The following MTUS1 variants were observed in gnomAD, a reference collection of about 807,000 sequenced individuals.
MTUS1 encodes microtubule associated scaffold protein 1.
MTUS1 carries 109 observed loss-of-function variants against 120.8 expected under a neutral mutation model. That is an observed-to-expected ratio of 0.90 (90% CI 0.77 to 1.06). The LOEUF (loss-of-function observed/expected upper bound fraction) is 1.06, where lower values mean the gene tolerates loss of function less well. Among genes scored for constraint, MTUS1 ranks in the 50% least tolerant of loss-of-function variants. The probability of loss-of-function intolerance (pLI) is 0.00; values close to 1 mark genes in which losing one functional copy is unlikely to be tolerated. For synonymous variants in MTUS1, 737 were observed against 550.5 expected (o/e 1.34, Z -4.74); for missense variants, 2,210 against 1,486.3 (o/e 1.49, Z -8.01).
At chr8:17,695,875 G>A (rs936166226) in intron 6 of MTUS1, among the ~76,000 whole-genome samples, 9 of 152,182 alleles carry the variant, frequency 5.9e-5, no homozygotes, top group African/African-American at 2.2e-4. Context: ...GCAAGCAGCT[G>A]AGAGCGGCTG....
chr8:17,666,042 T>G (rs1202174827), intron 8 of MTUS1, among the ~76,000 whole-genome samples: 2 of 151,104 alleles, frequency 1.3e-5, no homozygotes, highest in East Asian at 3.9e-4. Context: ...CAAAGGCCAT[T>G]TGCTGTTTTT....
intron 1 of MTUS1, among the ~76,000 whole-genome samples, chr8:17,775,062 C>A (rs966491631): frequency 6.8e-6 from 1 of 146,718 alleles, no homozygotes; most frequent in African/African-American, 2.5e-5. Flanking sequence ...TGAATAGAGA[C>A]AGAAAGTCAA....
intron 10 of MTUS1, chr8:17,654,224 T>TG: frequency 3.2e-6 from 1 of 310,204 alleles, no homozygotes; most frequent in Non-Finnish European, 6.0e-6. Context: ...CAGGAGCACT[T>TG]GGGGTGGATC....
intron 4 of MTUS1, among the ~76,000 whole-genome samples, chr8:17,720,045 G>T (rs543938049): frequency 6.6e-6 from 1 of 152,240 alleles, no homozygotes; most frequent in East Asian, 1.9e-4. Context: ...ACATGAGTTA[G>T]TAGGAAAACT....
chr8:17,759,692 T>G (rs1252727647), intron 1 of MTUS1, among the ~76,000 whole-genome samples: 1 of 149,880 alleles, frequency 6.7e-6, no homozygotes, highest in Non-Finnish European at 1.5e-5. Flanking sequence ...GTTTTGCTTT[T>G]AAGACTCATA....
chr8:17,684,373 G>C lies in MTUS1; in HGVS notation c.2793C>G (p.Thr931=). 6.2e-7 allele frequency: 1 copy of C among 1,614,056 alleles called. No homozygotes were observed. Among genetic ancestry groups the C allele is most frequent in the Non-Finnish European group, 8.5e-7 (1 of 1,179,974 alleles). The change falls in exon 7 of 15, where the codon ACC becomes ACG. Residue 931 remains threonine (T), a synonymous_variant. Coordinates refer to ENST00000693296, the MANE Select transcript of MTUS1 (RefSeq NM_001363059.2). ...TCACAACTGTCAATGCCTCAAACTT[G>C]GTATTACCACAGGCAAGAAGCTGCT... is the stretch of plus-strand genomic sequence containing the variant. ...QLKQLLACGN[T]KFEALTVVIQ...
intron 6 of MTUS1, among the ~76,000 whole-genome samples, chr8:17,706,640 G>C (rs1399867943): frequency 6.6e-6 from 1 of 152,152 alleles, no homozygotes; most frequent in Non-Finnish European, 1.5e-5. Context: ...TGAGTGAAGT[G>C]ACTGTAAATG....
At chr8:17,782,691 G>A (rs552378902) in intron 1 of MTUS1, among the ~76,000 whole-genome samples, 1 of 152,252 alleles carries the variant, frequency 6.6e-6, no homozygotes, top group South Asian at 2.1e-4. Flanking sequence ...CTTGGATTTT[G>A]TAAAGAATTG....
At chr8:17,713,806 G>A (rs993697643) in intron 5 of MTUS1, among the ~76,000 whole-genome samples, 1 of 152,072 alleles carries the variant, frequency 6.6e-6, no homozygotes, top group Non-Finnish European at 1.5e-5. Context: ...TTGTTTCTAG[G>A]ACATAATCAT....
intron 3 of MTUS1, among the ~76,000 whole-genome samples, chr8:17,726,836 G>C (rs534638647): frequency 6.6e-6 from 1 of 152,224 alleles, no homozygotes; most frequent in African/African-American, 2.4e-5. Flanking sequence ...AGCAAGGTTG[G>C]GCACGTAACA....
chr8:17,653,417 T>C lies in MTUS1; in HGVS notation c.3288+8A>G. 6.2e-7 allele frequency: 1 copy of C among 1,600,020 alleles called. No homozygotes were observed. Among genetic ancestry groups the C allele is most frequent in the Non-Finnish European group, 8.5e-7 (1 of 1,172,924 alleles). On this transcript the variant is annotated splice_region_variant and intron_variant, in intron 11 of 14. Coordinates refer to ENST00000693296, the MANE Select transcript of MTUS1 (RefSeq NM_001363059.2). ...GTGGGGGATACTGGGATATTGACAT[T>C]CACCCACCTCTAGCGATTCCTGCTT...
At chr8:17,694,673 A>C (rs892760154) in intron 6 of MTUS1, among the ~76,000 whole-genome samples, 2 of 149,850 alleles carry the variant, frequency 1.3e-5, no homozygotes, top group African/African-American at 5.1e-5. Context: ...ATCTAAAACA[A>C]AGCAACAAAA....
At chr8:17,742,483 C>T (rs760009575) in intron 3 of MTUS1, among the ~76,000 whole-genome samples, 1 of 151,864 alleles carries the variant, frequency 6.6e-6, no homozygotes, top group Non-Finnish European at 1.5e-5. Flanking sequence ...ATAAGAATCA[C>T]TCTTTCTCCC....
intron 6 of MTUS1, among the ~76,000 whole-genome samples, chr8:17,685,138 G>A (rs1339048887): frequency 1.3e-5 from 2 of 152,070 alleles, no homozygotes; most frequent in Non-Finnish European, 2.9e-5. Flanking sequence ...GTACTATACT[G>A]TTGACTATAC....
chr8:17,654,627 C>G lies in MTUS1; in HGVS notation c.3148G>C (p.Glu1050Gln). The G allele has an allele frequency of 6.2e-7, 1 of 1,614,180 alleles. No homozygotes were observed. Among genetic ancestry groups the G allele is most frequent in the Non-Finnish European group, 8.5e-7 (1 of 1,179,976 alleles). ...TTCTCTGAGTGGCTAGCTTCAATTT[C>G]CAACTTAGAGGTTTCATGCGCAGCA... Reference protein sequence around the residue: ...LNAAHETSKLEIEASHSEKLE... With the variant: ...LNAAHETSKLQIEASHSEKLE... The change falls in exon 10 of 15, where the codon GAA (glutamate) becomes CAA (glutamine). Residue 1050 changes from glutamate (E) to glutamine (Q), a missense_variant. Physicochemically the swap from Glu to Gln is conservative, Grantham distance 29. Transcript: ENST00000693296.
At chr8:17,765,416 G>A (rs1481423410) in intron 1 of MTUS1, among the ~76,000 whole-genome samples, 1 of 151,980 alleles carries the variant, frequency 6.6e-6, no homozygotes, top group Non-Finnish European at 1.5e-5. Flanking sequence ...ATAACCTGAG[G>A]TCAGGAGTTC....
At chr8:17,736,720 G>T (rs933624857) in intron 3 of MTUS1, among the ~76,000 whole-genome samples, 3 of 151,994 alleles carry the variant, frequency 2.0e-5, no homozygotes, top group African/African-American at 7.3e-5. Context: ...AAGTAGCTGA[G>T]ACCACAGGCA....
chr8:17,688,911 T>C (rs182770476), intron 6 of MTUS1, among the ~76,000 whole-genome samples: 1 of 152,244 alleles, frequency 6.6e-6, no homozygotes, highest in East Asian at 1.9e-4. Context: ...TGTTTAGACA[T>C]TTAGAATTAC....
chr8:17,685,904 T>C (rs931135731), intron 6 of MTUS1, among the ~76,000 whole-genome samples: 8 of 152,318 alleles, frequency 5.3e-5, no homozygotes, highest in South Asian at 4.1e-4. Context: ...GTCACTTGCA[T>C]AGATGTAGAA....
Sources: gnomAD v4.1 joint callset for allele counts (sites outside exome capture counted in the v4.1 genomes callset) on GRCh38, gnomAD v4.1.1 for gene constraint, MANE v1.5 for transcripts, NCBI Gene and HGNC (gene_info 2026-07-23, HGNC 2026-07-21) for gene names.